AK5: variants seen among roughly 807,000 people sequenced by gnomAD.
AK5 encodes the protein adenylate kinase 5, also known as adenylate kinase isoenzyme 5.
Under a neutral mutation model 69.5 loss-of-function variants are expected in AK5, and 27 were observed. The observed-to-expected ratio is 0.39, with a 90% CI of 0.29 to 0.54. The LOEUF (loss-of-function observed/expected upper bound fraction) is 0.54, where lower values mean the gene tolerates loss of function less well. Ranked by LOEUF, AK5 falls within the 20% of genes least tolerant of loss-of-function variation. The pLI, the probability that AK5 is intolerant of heterozygous loss-of-function variation, is 0.71. For missense variants in AK5, 531 were observed against 700.4 expected, an observed-to-expected ratio of 0.76 and a Z score of 2.73; for synonymous variants, 260 against 244.4, an observed-to-expected ratio of 1.06 and a Z score of -0.60.
intron 6 of AK5, among the ~76,000 whole-genome samples, chr1:77,362,936 G>A (rs1257410284): frequency 6.6e-6 from 1 of 152,140 alleles, no homozygotes; most frequent in Non-Finnish European, 1.5e-5. Context: ...AAGGATAAGT[G>A]TTTATGAAGA....
chr1:77,470,427 C>A (rs1329667261), intron 8 of AK5, among the ~76,000 whole-genome samples: 1 of 152,080 alleles, frequency 6.6e-6, no homozygotes, highest in East Asian at 1.9e-4. Context: ...ATCACTTGAG[C>A]CTGGGAGGCG....
intron 6 of AK5, among the ~76,000 whole-genome samples, chr1:77,353,330 T>A (rs7532748): frequency 0.55 from 83,509 of 151,656 alleles, 23,196 homozygotes; most frequent in East Asian, 0.78. Flanking sequence ...ATACAAAAAT[T>A]AGGCAGGCAT....
intron 13 of AK5, among the ~76,000 whole-genome samples, chr1:77,547,100 C>T (rs1659577768): frequency 6.6e-6 from 1 of 152,140 alleles, no homozygotes; most frequent in South Asian, 2.1e-4. Context: ...TAGATCAGCA[C>T]TGTCAAAAGA....
At chr1:77,367,569 A>ATATATATATTATATATGT (rs1553139697) in intron 6 of AK5, among the ~76,000 whole-genome samples, 1 of 31,642 alleles carries the variant, frequency 3.2e-5, no homozygotes, top group Non-Finnish European at 6.3e-5. Context: ...ATATATATAT[A>ATATATATATTATATATGT]TATATATATA....
chr1:77,445,567 T>C (rs1361328040), intron 8 of AK5, among the ~76,000 whole-genome samples: 1 of 152,198 alleles, frequency 6.6e-6, no homozygotes, highest in Non-Finnish European at 1.5e-5. Context: ...TACTTTTTCC[T>C]AATCTGTAGG....
chr1:77,396,387 G>T (rs1648833321), intron 6 of AK5, among the ~76,000 whole-genome samples: 1 of 152,164 alleles, frequency 6.6e-6, no homozygotes. Context: ...TACACAAAGA[G>T]CCCAGTAGCC....
Position 77,385,668 on chromosome 1 carries a change from AC to A in AK5, c.892-25311del, listed in dbSNP as rs566115657. Among the ~76,000 whole-genome samples the A allele has an allele frequency of 4.8e-3, 733 of 152,332 alleles. 3 individuals carry two copies. Among genetic ancestry groups the A allele is most frequent in the African/African-American group, 0.017 (701 of 41,576 alleles). ...CAATATACACAACAAAAAGCAATGAACCTGGAAGAAATGGAGGTAACACAGG... is the reference window on the plus strand; with the variant it reads ...CAATATACACAACAAAAAGCAATGAACTGGAAGAAATGGAGGTAACACAGG... On this transcript the variant is annotated intron_variant, in intron 6 of 13. Transcript: ENST00000354567.
At chr1:77,419,743 C>A (rs1182631694) in intron 8 of AK5, among the ~76,000 whole-genome samples, 2 of 152,022 alleles carry the variant, frequency 1.3e-5, no homozygotes, top group Non-Finnish European at 2.9e-5. Flanking sequence ...AAAAGGAATT[C>A]CAGAAAGAGA....
intron 13 of AK5, among the ~76,000 whole-genome samples, chr1:77,547,693 T>C (rs1308458191): frequency 6.6e-6 from 1 of 152,212 alleles, no homozygotes; most frequent in Non-Finnish European, 1.5e-5. Flanking sequence ...GGAACTATAT[T>C]TATATTTCAT....
At chr1:77,525,603 G>A (rs974771441) in intron 12 of AK5, among the ~76,000 whole-genome samples, 10 of 152,220 alleles carry the variant, frequency 6.6e-5, no homozygotes, top group Admixed American at 3.9e-4. Flanking sequence ...TCATTACCAC[G>A]AGGATAGCAC....
At chr1:77,483,555 A>C (rs1655404031) in intron 9 of AK5, among the ~76,000 whole-genome samples, 196 bp downstream of exon 9, 1 of 152,180 alleles carries the variant, frequency 6.6e-6, no homozygotes, top group Admixed American at 6.5e-5. Flanking sequence ...GTGCATTGCT[A>C]AGTGATGCAT....
At chr1:77,332,976 G>C (rs914207130) in intron 5 of AK5, among the ~76,000 whole-genome samples, 1 of 151,552 alleles carries the variant, frequency 6.6e-6, no homozygotes, top group Non-Finnish European at 1.5e-5. Context: ...CTTTGAGCTA[G>C]CTTACTAGAT....
chr1:77,387,994 A>G (rs1430925228), intron 6 of AK5, among the ~76,000 whole-genome samples: 1 of 152,232 alleles, frequency 6.6e-6, no homozygotes, highest in Non-Finnish European at 1.5e-5. Flanking sequence ...CTTTTGTCTA[A>G]CATTGATTTC....
rs568058674 is a variant in AK5, at chr1:77,346,418, C to T, written c.891+5850C>T. Among the ~76,000 whole-genome samples the T allele has an allele frequency of 6.6e-5, 10 of 152,280 alleles. No homozygotes were observed. In the East Asian group the frequency reaches 1.9e-3, roughly 29 times the overall value. On this transcript the variant is annotated intron_variant, in intron 6 of 13. Transcript: ENST00000354567. ...TTATCCCTAAACTCTCAACGTACAGCCATTGGTTAATTATCACCAACTCCA... is the reference window on the plus strand; with the variant it reads ...TTATCCCTAAACTCTCAACGTACAGTCATTGGTTAATTATCACCAACTCCA...
intron 5 of AK5, 145 bp downstream of exon 5, chr1:77,298,092 A>G: frequency 2.2e-6 from 1 of 463,996 alleles, no homozygotes; most frequent in Admixed American, 4.0e-5. Flanking sequence ...ATGGGTTGGC[A>G]GAAGGTCATT....
At chr1:77,300,228 G>A (rs1012365285) in intron 5 of AK5, among the ~76,000 whole-genome samples, 5 of 152,120 alleles carry the variant, frequency 3.3e-5, no homozygotes, top group Non-Finnish European at 5.9e-5. Flanking sequence ...GCCTAGTCAC[G>A]GGTAACAGTA....
At chr1:77,329,541 G>A (rs1557500699) in intron 5 of AK5, among the ~76,000 whole-genome samples, 1 of 152,162 alleles carries the variant, frequency 6.6e-6, no homozygotes, top group Non-Finnish European at 1.5e-5. Context: ...AATTACAGGT[G>A]TGCCACTGTG....
At chr1:77,476,151 A>C (rs1448684047) in intron 8 of AK5, among the ~76,000 whole-genome samples, 1 of 152,130 alleles carries the variant, frequency 6.6e-6, no homozygotes. Context: ...AACTCTGTTT[A>C]CTCAGTTATA....
intron 8 of AK5, among the ~76,000 whole-genome samples, chr1:77,419,202 G>A (rs983305103): frequency 6.6e-6 from 1 of 152,054 alleles, no homozygotes; most frequent in African/African-American, 2.4e-5. Context: ...ACAATGTACT[G>A]CCTCCCATCC....
Sources: allele counts gnomAD v4.1 joint callset (sites outside exome capture counted in the v4.1 genomes callset), GRCh38; gene constraint gnomAD v4.1.1; transcripts MANE v1.5; gene names NCBI Gene and HGNC (gene_info 2026-07-23, HGNC 2026-07-21).